MYBPH: variants seen among roughly 807,000 people sequenced by gnomAD.
MYBPH encodes myosin binding protein H, also known as myosin-binding protein H.
Under a neutral mutation model 53.6 loss-of-function variants are expected in MYBPH, and 49 were observed. The observed-to-expected ratio is 0.91, with a 90% confidence interval of 0.73 to 1.16. MYBPH has a LOEUF of 1.16. Among genes scored for constraint, MYBPH ranks in the 50% most tolerant of loss-of-function variants. MYBPH has a pLI of 0.00. For missense variants in MYBPH, 558 were observed against 624.1 expected (o/e 0.89, Z 1.13); for synonymous variants, 239 against 249.6 (o/e 0.96, Z 0.40).
At position 203,174,608 on chromosome 1, in the gene MYBPH, GGA is replaced by G. The variant is rs747495769; in HGVS notation, c.341-13_341-12del. ...GCACCCACTCCGAGGCTGAGGGGATGGAGAGAGTGTGAGGTCTTTGCAATGTG... is the reference window on the plus strand; with the variant it reads ...GCACCCACTCCGAGGCTGAGGGGATGGAGAGTGTGAGGTCTTTGCAATGTG... On this transcript the variant is annotated splice_polypyrimidine_tract_variant and intron_variant, in intron 2 of 10. Coordinates refer to ENST00000255416, the MANE Select transcript of MYBPH (RefSeq NM_004997.3). The G allele has an allele frequency of 1.9e-4, 295 of 1,584,514 alleles. No individual in the cohort carries two copies. The highest frequency in any genetic ancestry group is 8.5e-4 in the Middle Eastern group (5 of 5,916).
In MYBPH at chr1:203,171,364, T is replaced by C; in HGVS notation, c.793+19A>G. The C allele has an allele frequency of 5.6e-6, 9 of 1,605,914 alleles. No individual in the cohort carries two copies. Among genetic ancestry groups the C allele is most frequent in the Non-Finnish European group, 7.7e-6 (9 of 1,175,304 alleles). On this transcript the variant is annotated intron_variant, in intron 5 of 10. Transcript: ENST00000255416. This position sits in a 1 kb window ranked among gnomAD's most constrained non-coding sequence, Gnocchi z 4.2. ...CTCCAGGTCCCCCATGAGACAGCAC[T>C]GTTCCCCTGGCTCCATACCAATCAC...
In MYBPH at chr1:203,175,774, G is replaced by T. The variant is rs1655797336; in HGVS notation, c.-19C>A. On this transcript the variant is annotated 5_prime_UTR_variant, in exon 1 of 11. Transcript: ENST00000255416. ...CCATCATTGCTGGACTGGCTGGGGG[G>T]CCAGGGTGGAGTGTGCAGGGGTCAG... 2 of 1,612,828 alleles carry T rather than the reference G, an allele frequency of 1.2e-6. No homozygotes were observed. Among genetic ancestry groups the T allele is most frequent in the Non-Finnish European group, 1.7e-6 (2 of 1,179,830 alleles).
rs1009664981 is a variant in MYBPH, at chr1:203,169,413, G to A, written c.1094-24C>T. On this transcript the variant is annotated intron_variant, in intron 7 of 10. Coordinates refer to ENST00000255416, the MANE Select transcript of MYBPH (RefSeq NM_004997.3). Reference sequence around the variant, plus strand: ...ATCTGGGTTCAGGGGAGAAAGTCGGGTGCATCTGAGCTTACAGGAGTGAGG... The same window carrying A: ...ATCTGGGTTCAGGGGAGAAAGTCGGATGCATCTGAGCTTACAGGAGTGAGG... 5 of 1,554,278 alleles carry A rather than the reference G, an allele frequency of 3.2e-6. No individual in the cohort carries two copies. The East Asian group carries it at 1.2e-4, about 38-fold the overall frequency.
chr1:203,175,825 G>T lies in MYBPH; in HGVS notation c.-70C>A, dbSNP rs1222858631. On this transcript the variant is annotated 5_prime_UTR_variant, in exon 1 of 11. Coordinates refer to ENST00000255416, the MANE Select transcript of MYBPH (RefSeq NM_004997.3). ...CCGTTGGGGGGCCTGGGCCTCTAGG[G>T]TGCCTGGGACACCTAGGTCCAGGCT... 26 of 1,520,436 alleles carry T rather than the reference G, an allele frequency of 1.7e-5. No homozygotes were observed. The highest frequency in any genetic ancestry group is 2.0e-5 in the Non-Finnish European group (22 of 1,105,086). The allele number at this position is 1,520,436 out of a possible 1,614,324, so 94.2% of individuals were successfully genotyped here. A position where few individuals can be genotyped will look rare whatever the true frequency, so the allele number is the denominator to read the frequency against.
intron 7 of MYBPH, among the ~76,000 whole-genome samples, chr1:203,169,776 C>T (rs968453033): frequency 2.6e-5 from 4 of 152,128 alleles, no homozygotes; most frequent in Admixed American, 6.5e-5. Context: ...GACTGTGGGT[C>T]GGAGAGGGCC....
intron 7 of MYBPH, among the ~76,000 whole-genome samples, chr1:203,169,637 G>A (rs966713007): frequency 1.3e-5 from 2 of 152,222 alleles, no homozygotes; most frequent in Non-Finnish European, 2.9e-5. Context: ...GCAACTCAGA[G>A]GTGCCACGTT....
At position 203,172,713 on chromosome 1, in the gene MYBPH, C is replaced by T. The variant is rs3766549; in HGVS notation, c.509-673G>A. On this transcript the variant is annotated intron_variant, in intron 3 of 10. Coordinates refer to ENST00000255416, the MANE Select transcript of MYBPH (RefSeq NM_004997.3). Reference sequence around the variant, plus strand: ...CTATGCTAAGGAATGACATTCTGACCCTCATCTGGTCAGGGGCAACCACTG... The same window carrying T: ...CTATGCTAAGGAATGACATTCTGACTCTCATCTGGTCAGGGGCAACCACTG... Among the ~76,000 whole-genome samples, 31 of 152,286 alleles carry T rather than the reference C, an allele frequency of 2.0e-4. 1 individual carries two copies. In the East Asian group the frequency reaches 6.0e-3, roughly 29 times the overall value.
At chr1:203,172,828 A>G (rs1655725761) in intron 3 of MYBPH, among the ~76,000 whole-genome samples, 1 of 152,182 alleles carries the variant, frequency 6.6e-6, no homozygotes, top group African/African-American at 2.4e-5. Context: ...GCTCCTCAGC[A>G]GCAAACAGGT....
chr1:203,174,631 A>G lies in MYBPH; in HGVS notation c.341-34T>C, dbSNP rs199604586. On this transcript the variant is annotated intron_variant, in intron 2 of 10. Coordinates refer to ENST00000255416, the MANE Select transcript of MYBPH (RefSeq NM_004997.3). ...ATGGAGAGAGTGTGAGGTCTTTGCA[A>G]TGTGGCCACAGGCGCCCCTCTCCAT... 1.6e-4 allele frequency: 251 copies of G among 1,530,500 alleles called. 1 individual carries two copies. The East Asian group carries it at 4.8e-3, about 29-fold the overall frequency. The allele number at this position is 1,530,500 out of a possible 1,614,324, so 94.8% of individuals were successfully genotyped here. A position where few individuals can be genotyped will look rare whatever the true frequency, so the allele number is the denominator to read the frequency against.
chr1:203,170,211 G>A, intron 7 of MYBPH, 80 bp downstream of exon 7: 1 of 1,554,396 alleles, frequency 6.4e-7, no homozygotes, highest in East Asian at 2.3e-5. Flanking sequence ...GAGAAACCCA[G>A]AGAGAGGGGT....
At position 203,171,458 on chromosome 1, in the gene MYBPH, C is replaced by T. The variant is rs142658902; in HGVS notation, c.718G>A (p.Asp240Asn). Residue 240 changes from aspartate (D) to asparagine (N), a missense_variant, in exon 5 of 11, where the codon GAC (aspartate) becomes AAC (asparagine). Coordinates refer to ENST00000255416, the MANE Select transcript of MYBPH (RefSeq NM_004997.3). This position sits in a 1 kb window ranked among gnomAD's most constrained non-coding sequence, Gnocchi z 4.2. Reference sequence around the variant, plus strand: ...ACAGTGAGCTCGTAGCGGCCAGAGTCGGAGCGCTGGGCCGAGCGAATGAAG... The same window carrying T: ...ACAGTGAGCTCGTAGCGGCCAGAGTTGGAGCGCTGGGCCGAGCGAATGAAG... ...ILFIRSAQRS[D>N]SGRYELTVRV... 671 of 1,613,980 alleles carry T rather than the reference C, an allele frequency of 4.2e-4. 5 individuals are homozygous for T. In the African/African-American group the frequency reaches 8.0e-3, roughly 19 times the overall value.
chr1:203,171,291 CT>C lies in MYBPH; in HGVS notation c.793+91del. On this transcript the variant is annotated intron_variant, in intron 5 of 10. Transcript: ENST00000255416. This position sits in a 1 kb window ranked among gnomAD's most constrained non-coding sequence, Gnocchi z 4.2. ...CAAAATTTGGCTCTTGCCACACTCC[CT>C]TGGCCTGCTCCCATCAGCCATCAGC... 6.4e-7 allele frequency: 1 copy of C among 1,560,588 alleles called. No homozygotes were observed. Among genetic ancestry groups the C allele is most frequent in the Admixed American group, 1.8e-5 (1 of 55,700 alleles).
chr1:203,177,713 G>T (rs1337334095), upstream of MYBPH, among the ~76,000 whole-genome samples: 2 of 152,254 alleles, frequency 1.3e-5, no homozygotes, highest in Non-Finnish European at 2.9e-5. Flanking sequence ...GCCTGTCCCC[G>T]GCTGGGGGAA....
intron 9 of MYBPH, 76 bp downstream of exon 9, chr1:203,168,830 A>G (rs1655637576): frequency 6.3e-7 from 1 of 1,590,436 alleles, no homozygotes; most frequent in Non-Finnish European, 8.6e-7. Flanking sequence ...TTCGGCCTTG[A>G]TTTTAAGCTG....
Position 203,171,902 on chromosome 1 carries a change from G to A in MYBPH, c.597+50C>T, listed in dbSNP as rs1655706471. The A allele has an allele frequency of 8.5e-7, 1 of 1,177,098 alleles. No individual in the cohort carries two copies. The highest frequency in any genetic ancestry group is 3.0e-5 in the East Asian group (1 of 32,812). 72.9% of individuals were successfully genotyped at this position (1,177,098 alleles called of 1,614,324 possible). On this transcript the variant is annotated intron_variant, in intron 4 of 10. Coordinates refer to ENST00000255416, the MANE Select transcript of MYBPH (RefSeq NM_004997.3). The surrounding 1 kb of genome is among the most constrained non-coding windows in gnomAD (Gnocchi z 4.2). ...CATCTCCCAGGCTCCCCTTAAATGG[G>A]GGCCCTGGTTCCCACCCAGGCTGTT...
rs769498460 is a variant in MYBPH, at chr1:203,169,295, G to A, written c.1188C>T (p.Gly396=). The part of the protein sequence containing the change: ...QPLADHTSTP[G]YSTQLFCSVR... ...CACTGCAGAACAACTGGGTGCTGTA[G>A]CCAGGGGTGGAGGTGTGGTCAGCCA... Residue 396 remains glycine, a synonymous_variant, in exon 8 of 11, where the codon GGC becomes GGT. Transcript: ENST00000255416. 2 of 1,613,672 alleles carry A rather than the reference G, an allele frequency of 1.2e-6. No homozygotes were observed. Among genetic ancestry groups the A allele is most frequent in the Non-Finnish European group, 1.7e-6 (2 of 1,179,768 alleles).
chr1:203,169,412 G>C, intron 7 of MYBPH, 23 bp from the exon 8 acceptor site: 1 of 1,554,642 alleles, frequency 6.4e-7, no homozygotes, highest in Non-Finnish European at 8.7e-7. Context: ...GAGAAAGTCG[G>C]GTGCATCTGA....
At chr1:203,174,200 G>A (rs992850277) in intron 3 of MYBPH, among the ~76,000 whole-genome samples, 6 of 152,200 alleles carry the variant, frequency 3.9e-5, no homozygotes, top group African/African-American at 1.4e-4. Context: ...TTCTCAAGGC[G>A]TGGGGGCTGG....
At position 203,171,559 on chromosome 1, in the gene MYBPH, G is replaced by A; in HGVS notation, c.617C>T (p.Ala206Val). Reference protein sequence around the residue: ...IPFQGKPKPQATWTHNGHALD... With the variant: ...IPFQGKPKPQVTWTHNGHALD... The stretch of plus-strand genomic sequence containing the variant: ...GGCATGGCCGTTGTGGGTCCATGTG[G>A]CCTGAGGCTTAGGCTTCCCCTGGCA... The change falls in exon 5 of 11, where the codon GCC (alanine) becomes GTC (valine). Residue 206 changes from alanine (A) to valine (V), a missense_variant. Physicochemically the swap from Ala to Val is moderately conservative, Grantham distance 64. Coordinates refer to ENST00000255416, the MANE Select transcript of MYBPH (RefSeq NM_004997.3). The surrounding 1 kb of genome is among the most constrained non-coding windows in gnomAD (Gnocchi z 4.2). 6.2e-7 allele frequency: 1 copy of A among 1,612,744 alleles called. No individual in the cohort carries two copies. Among genetic ancestry groups the A allele is most frequent in the South Asian group, 1.1e-5 (1 of 90,976 alleles).
Sources: gnomAD v4.1 joint callset for allele counts (sites outside exome capture counted in the v4.1 genomes callset) on GRCh38, gnomAD v4.1.1 for gene constraint, Gnocchi (gnomAD v3.1) non-coding constraint, MANE v1.5 for transcripts, NCBI Gene and HGNC (gene_info 2026-07-23, HGNC 2026-07-21) for gene names.